EDA: variants seen among roughly 807,000 people sequenced by gnomAD.
The protein encoded by EDA is ectodysplasin A, also known as ectodysplasin-A.
In EDA, 2 loss-of-function variants were observed where a neutral mutation model predicts 23.6. That is an observed-to-expected ratio of 0.08 (90% CI 0.03 to 0.27). EDA has a LOEUF of 0.27. Among genes scored for constraint, EDA ranks in the 10% least tolerant of loss-of-function variants. EDA has a pLI of 1.00. For synonymous variants in EDA, 131 were observed against 132.0 expected, an observed-to-expected ratio of 0.99 and a Z score of 0.05; for missense variants, 229 against 324.2, an observed-to-expected ratio of 0.71 and a Z score of 2.26.
At chrX:69,691,925 A>G (rs1036867622) in intron 1 of EDA, among the ~76,000 whole-genome samples, 2 of 111,968 alleles carry the variant, frequency 1.8e-5, no homozygotes, top group Admixed American at 1.9e-4. Context: ...AGTAGGATTT[A>G]TATTCTCTCT....
At chrX:69,775,474 C>T (rs1359076078) in intron 1 of EDA, among the ~76,000 whole-genome samples, 1 of 111,492 alleles carries the variant, frequency 9.0e-6, no homozygotes, top group Non-Finnish European at 1.9e-5. Flanking sequence ...AGAATAATAT[C>T]CTTCCTTTGC....
intron 1 of EDA, among the ~76,000 whole-genome samples, chrX:69,867,934 G>C (rs1431357300): frequency 8.9e-6 from 1 of 111,948 alleles, no homozygotes; most frequent in Non-Finnish European, 1.9e-5. Context: ...AGATGGGTCA[G>C]AAAGCACCCA....
chrX:69,747,419 A>G (rs1217515962), intron 1 of EDA, among the ~76,000 whole-genome samples: 1 of 112,634 alleles, frequency 8.9e-6, no homozygotes, highest in Non-Finnish European at 1.9e-5. Flanking sequence ...CAGAGGCCAG[A>G]TTGTGCAGAT....
At chrX:69,867,375 C>T (rs991764351) in intron 1 of EDA, among the ~76,000 whole-genome samples, 8 of 112,233 alleles carry the variant, frequency 7.1e-5, no homozygotes, top group East Asian at 2.8e-4. Context: ...CAAATATCTT[C>T]ATAGTTTTTG....
intron 1 of EDA, among the ~76,000 whole-genome samples, chrX:69,692,499 C>A (rs1934740294): frequency 9.0e-6 from 1 of 111,633 alleles, no homozygotes; most frequent in Non-Finnish European, 1.9e-5. Flanking sequence ...TCTCAAGAGA[C>A]CTGCCTTAGC....
chrX:69,723,673 T>C (rs2012678641), intron 1 of EDA, among the ~76,000 whole-genome samples: 1 of 111,872 alleles, frequency 8.9e-6, no homozygotes, highest in South Asian at 3.7e-4. Context: ...CTTGGTAAAT[T>C]CTTTAGGTTT....
At position 70,039,202 on chromosome X, in the gene EDA, A is replaced by G. The variant is rs1385717515; in HGVS notation, c.*3593A>G. 9.0e-6 allele frequency: 1 copy of G among 111,678 alleles called. No individual in the cohort carries two copies. Among genetic ancestry groups the G allele is most frequent in the Non-Finnish European group, 1.9e-5 (1 of 53,101 alleles). 9.2% of individuals were successfully genotyped at this position (111,678 alleles called of 1,213,427 possible). A position where few individuals can be genotyped will look rare whatever the true frequency, so the allele number is the denominator to read the frequency against. ...CTAGGCCCTGTGAGCACAAAGAAGA[A>G]AGCTGATTTTTGTCTTTTAATCCAT... On this transcript the variant is annotated 3_prime_UTR_variant, in exon 8 of 8. Coordinates refer to ENST00000374552, the MANE Select transcript of EDA (RefSeq NM_001399.5).
At chrX:69,789,808 G>C (rs1438416840) in intron 1 of EDA, among the ~76,000 whole-genome samples, 7 of 111,929 alleles carry the variant, frequency 6.3e-5, no homozygotes, top group Non-Finnish European at 1.3e-4. Flanking sequence ...AAGTAGATAG[G>C]TGATCTACTA....
intron 2 of EDA, among the ~76,000 whole-genome samples, chrX:69,999,782 A>G (rs1395258086): frequency 2.7e-5 from 3 of 111,754 alleles, no homozygotes; most frequent in Middle Eastern, 9.2e-3. Context: ...TATAACCTTG[A>G]TAACAAACTC....
chrX:69,889,021 T>TATATATATATATATATATA (rs58327577), intron 1 of EDA, among the ~76,000 whole-genome samples: 19 of 73,561 alleles, frequency 2.6e-4, no homozygotes, highest in Non-Finnish European at 3.6e-4. Context: ...TATATATATA[T>TATATATATATATATATATA]TATGTTTTTC....
chrX:69,723,961 G>A (rs751901460), intron 1 of EDA, among the ~76,000 whole-genome samples: 24 of 111,777 alleles, frequency 2.1e-4, no homozygotes, highest in Non-Finnish European at 4.1e-4. Flanking sequence ...ACCTTTGAGT[G>A]TTCTAGATTG....
intron 1 of EDA, chrX:69,861,070 T>C: frequency 2.2e-6 from 1 of 452,567 alleles, no homozygotes; most frequent in South Asian, 3.2e-5. Flanking sequence ...AAGAACTGAG[T>C]TTATGACTTA....
In EDA at chrX:69,670,183, G is replaced by GTTTTTTTT. The variant is rs544601085; in HGVS notation, c.396+53491_396+53498dup. On this transcript the variant is annotated intron_variant, in intron 1 of 7. Coordinates refer to ENST00000374552, the MANE Select transcript of EDA (RefSeq NM_001399.5). ...CTGGGTATAGTATTCTTGGCTGACT[G>GTTTTTTTT]TTTTTTTTTTTTTTTTTTTCTTTCA... 1.8e-3 allele frequency: 420 copies of GTTTTTTTT among 235,979 alleles called. 15 individuals are homozygous for GTTTTTTTT. Among genetic ancestry groups the GTTTTTTTT allele is most frequent in the Non-Finnish European group, 2.0e-3 (288 of 144,172 alleles). 19.4% of individuals were successfully genotyped at this position (235,979 alleles called of 1,213,427 possible).
chrX:69,871,636 T>A (rs1459993128), intron 1 of EDA, among the ~76,000 whole-genome samples: 1 of 111,901 alleles, frequency 8.9e-6, no homozygotes, highest in Non-Finnish European at 1.9e-5. Flanking sequence ...GAAATATTAA[T>A]CTCTTTTGGC....
intron 1 of EDA, among the ~76,000 whole-genome samples, chrX:69,705,550 TA>T (rs1352547097): frequency 3.6e-5 from 4 of 112,459 alleles, no homozygotes; most frequent in Non-Finnish European, 7.5e-5. Flanking sequence ...TGTCCTTTTT[TA>T]AAATGACCTG....
intron 2 of EDA, among the ~76,000 whole-genome samples, chrX:69,981,259 G>C (rs1428085231): frequency 1.8e-5 from 2 of 111,407 alleles, no homozygotes; most frequent in African/African-American, 6.5e-5. Context: ...TGGTATGACT[G>C]AAAGTTTGAG....
At chrX:69,921,127 G>A (rs749435429) in intron 1 of EDA, among the ~76,000 whole-genome samples, 2 of 111,048 alleles carry the variant, frequency 1.8e-5, no homozygotes, top group Admixed American at 1.9e-4. Flanking sequence ...CCTCATGCAT[G>A]TGGGCTTTTA....
chrX:69,646,286 A>T (rs931639546), intron 1 of EDA, among the ~76,000 whole-genome samples: 1 of 111,300 alleles, frequency 9.0e-6, no homozygotes, highest in African/African-American at 3.3e-5. Context: ...GGGGTGTTAA[A>T]GTTTCCCACT....
chrX:69,680,157 C>G (rs1314482303), intron 1 of EDA, among the ~76,000 whole-genome samples: 1 of 105,073 alleles, frequency 9.5e-6, no homozygotes, highest in Non-Finnish European at 1.9e-5. Context: ...ATCCTGAGTT[C>G]TAGTTTGATT....
Sources: gnomAD v4.1 joint callset for allele counts (sites outside exome capture counted in the v4.1 genomes callset) on GRCh38, gnomAD v4.1.1 for gene constraint, MANE v1.5 for transcripts, NCBI Gene and HGNC (gene_info 2026-07-23, HGNC 2026-07-21) for gene names.